GPC5: variants seen among roughly 807,000 people sequenced by gnomAD.
The protein encoded by GPC5 is glypican 5.
Under a neutral mutation model 53.9 loss-of-function variants are expected in GPC5, and 47 were observed. That is an observed-to-expected ratio of 0.87 (90% CI 0.69 to 1.11). GPC5 has a LOEUF of 1.11. Among genes scored for constraint, GPC5 ranks in the 50% most tolerant of loss-of-function variants. The probability of loss-of-function intolerance (pLI) is 0.00; values close to 1 mark genes in which losing one functional copy is unlikely to be tolerated. For synonymous variants in GPC5, 286 were observed against 263.3 expected, an observed-to-expected ratio of 1.09 and a Z score of -0.84; for missense variants, 748 against 713.1, an observed-to-expected ratio of 1.05 and a Z score of -0.56.
At chr13:92,632,264 G>A (rs1308853257) in intron 7 of GPC5, among the ~76,000 whole-genome samples, 3 of 151,986 alleles carry the variant, frequency 2.0e-5, no homozygotes, top group Non-Finnish European at 1.5e-5. Flanking sequence ...TGATGATTAA[G>A]CTCAGATAGA....
chr13:91,501,178 C>T (rs1033161485), intron 2 of GPC5, among the ~76,000 whole-genome samples: 3 of 151,580 alleles, frequency 2.0e-5, no homozygotes, highest in Admixed American at 1.3e-4. Context: ...GTTTAATATC[C>T]TTTGTCCTGA....
In GPC5 at chr13:91,399,068, G is replaced by A. The variant is rs368315924; in HGVS notation, c.22G>A (p.Val8Met). Residue 8 changes from valine to methionine, a missense_variant, in exon 1 of 8, where the codon GTG (valine) becomes ATG (methionine). By Grantham distance (21) the Val-to-Met change is conservative. Transcript: ENST00000377067. MDAQTWP[V>M]GFRCLLLLAL... is the part of the protein sequence containing the mutation. The stretch of plus-strand genomic sequence containing the variant: ...GAGGATGGACGCACAGACCTGGCCC[G>A]TGGGCTTTCGCTGCCTCCTCCTTCT... 5 of 1,569,574 alleles carry A rather than the reference G, an allele frequency of 3.2e-6. No individual in the cohort carries two copies. Among genetic ancestry groups the A allele is most frequent in the Non-Finnish European group, 1.7e-6 (2 of 1,157,714 alleles).
chr13:92,133,599 A>G (rs1468786884), intron 6 of GPC5, among the ~76,000 whole-genome samples: 1 of 152,186 alleles, frequency 6.6e-6, no homozygotes, highest in Admixed American at 6.5e-5. Flanking sequence ...TTGGCATTGT[A>G]TCATGATTAA....
At chr13:92,100,173 G>A (rs2041454033) in intron 6 of GPC5, among the ~76,000 whole-genome samples, 1 of 152,208 alleles carries the variant, frequency 6.6e-6, no homozygotes, top group African/African-American at 2.4e-5. Context: ...GGGAGGCCGA[G>A]GTGGGTGGAT....
chr13:92,343,685 T>G (rs1480354258), intron 7 of GPC5, among the ~76,000 whole-genome samples: 5 of 152,078 alleles, frequency 3.3e-5, no homozygotes, highest in African/African-American at 9.7e-5. Flanking sequence ...TTTTTCTAAC[T>G]CTAACCACAT....
chr13:91,700,020 TATC>T (rs2035960408), intron 3 of GPC5, among the ~76,000 whole-genome samples: 1 of 152,236 alleles, frequency 6.6e-6, no homozygotes, highest in Admixed American at 6.5e-5. Flanking sequence ...TCTGTTTAGA[TATC>T]ATAAATTTGA....
chr13:92,646,966 G>GTGTGTA (rs1462533037), intron 7 of GPC5, among the ~76,000 whole-genome samples: 48 of 145,968 alleles, frequency 3.3e-4, no homozygotes, highest in African/African-American at 9.3e-4. Context: ...GTGTGTGTGT[G>GTGTGTA]TATATAAACC....
At chr13:91,905,346 T>C (rs2039542136) in intron 5 of GPC5, among the ~76,000 whole-genome samples, 1 of 151,814 alleles carries the variant, frequency 6.6e-6, no homozygotes, top group South Asian at 2.1e-4. Flanking sequence ...ATTTTATTTT[T>C]CTAAAATAAA....
At chr13:92,182,264 A>G (rs1262696912) in intron 7 of GPC5, among the ~76,000 whole-genome samples, 1 of 152,188 alleles carries the variant, frequency 6.6e-6, no homozygotes, top group Non-Finnish European at 1.5e-5. Flanking sequence ...GCATTGAAAA[A>G]TGTCACCCAG....
intron 6 of GPC5, among the ~76,000 whole-genome samples, chr13:92,004,751 G>C (rs887259628): frequency 6.6e-6 from 1 of 151,734 alleles, no homozygotes; most frequent in Non-Finnish European, 1.5e-5. Context: ...CACATCTTAC[G>C]TGGTGGCAGG....
At chr13:91,932,737 A>G (rs1397495674) in intron 6 of GPC5, among the ~76,000 whole-genome samples, 1 of 151,940 alleles carries the variant, frequency 6.6e-6, no homozygotes, top group East Asian at 1.9e-4. Context: ...TCATGCACAG[A>G]TTAGCTCTCA....
At chr13:91,728,990 G>C (rs964398159) in intron 4 of GPC5, among the ~76,000 whole-genome samples, 2 of 152,154 alleles carry the variant, frequency 1.3e-5, no homozygotes, top group Non-Finnish European at 2.9e-5. Flanking sequence ...ATTTTAAATT[G>C]TAAATGTGGC....
At chr13:92,524,280 C>A (rs191812787) in intron 7 of GPC5, among the ~76,000 whole-genome samples, 1 of 152,194 alleles carries the variant, frequency 6.6e-6, no homozygotes, top group East Asian at 1.9e-4. Flanking sequence ...TTCACAGCCT[C>A]TTCACCAGGA....
At chr13:92,103,081 C>T (rs995402817) in intron 6 of GPC5, among the ~76,000 whole-genome samples, 3 of 151,878 alleles carry the variant, frequency 2.0e-5, no homozygotes, top group African/African-American at 7.3e-5. Context: ...ACACTGTTTT[C>T]GAACTCCTGG....
intron 7 of GPC5, among the ~76,000 whole-genome samples, chr13:92,583,967 C>G (rs1017669861): frequency 1.3e-5 from 2 of 152,160 alleles, no homozygotes; most frequent in Admixed American, 6.5e-5. Flanking sequence ...TCCTTGCCTT[C>G]CACCATGATT....
chr13:92,275,436 G>A (rs1040249894), intron 7 of GPC5, among the ~76,000 whole-genome samples: 3 of 152,096 alleles, frequency 2.0e-5, no homozygotes, highest in Middle Eastern at 3.4e-3. Context: ...AATTGACTTC[G>A]TTGAATTTTA....
Position 91,399,037 on chromosome 13 carries a change from G to A in GPC5, c.-10G>A, listed in dbSNP as rs1029570992. 3 of 1,544,108 alleles carry A rather than the reference G, an allele frequency of 1.9e-6. No individual in the cohort carries two copies. The highest frequency in any genetic ancestry group is 2.6e-6 in the Non-Finnish European group (3 of 1,144,050). On this transcript the variant is annotated 5_prime_UTR_variant, in exon 1 of 8. Transcript: ENST00000377067. ...TCCACTGGCGGGTAAAGGGGACCAG[G>A]ACGGCGAGGATGGACGCACAGACCT... is the stretch of plus-strand genomic sequence containing the variant.
At chr13:92,787,498 A>T (rs758667942) in intron 7 of GPC5, among the ~76,000 whole-genome samples, 1 of 151,688 alleles carries the variant, frequency 6.6e-6, no homozygotes, top group Non-Finnish European at 1.5e-5. Flanking sequence ...AAAACAGTAA[A>T]TTAGAAGGTA....
intron 3 of GPC5, among the ~76,000 whole-genome samples, chr13:91,712,551 T>TTAA (rs2036250158): frequency 1.3e-5 from 2 of 152,160 alleles, no homozygotes. Flanking sequence ...ATAATCTATG[T>TTAA]AATTAAAATG....
Sources: allele counts gnomAD v4.1 joint callset (sites outside exome capture counted in the v4.1 genomes callset), GRCh38; gene constraint gnomAD v4.1.1; transcripts MANE v1.5; gene names NCBI Gene and HGNC (gene_info 2026-07-23, HGNC 2026-07-21).